Variants in PIGN observed in about 807,000 individuals in gnomAD.
PIGN encodes GPI ethanolamine phosphate transferase 1.
In PIGN, 117 loss-of-function variants were observed where a neutral mutation model predicts 125.4. That is an observed-to-expected ratio of 0.93 (90% CI 0.80 to 1.09). The LOEUF is 1.09. Ranked by LOEUF, PIGN falls within the 50% of genes least tolerant of loss-of-function variation. The pLI is 0.00. For synonymous variants in PIGN, 392 were observed against 377.8 expected (o/e 1.04, Z -0.44); for missense variants, 1,075 against 1,094.9 (o/e 0.98, Z 0.26).
intron 14 of PIGN, among the ~76,000 whole-genome samples, chr18:62,126,336 A>G (rs746308528): frequency 6.6e-6 from 1 of 152,130 alleles, no homozygotes; most frequent in Non-Finnish European, 1.5e-5. Flanking sequence ...GGTAAACACT[A>G]TAGTGTTTGC....
chr18:62,036,174 T>G (rs1359934871), downstream of PIGN, among the ~76,000 whole-genome samples: 1 of 152,234 alleles, frequency 6.6e-6, no homozygotes, highest in Non-Finnish European at 1.5e-5. Flanking sequence ...AGAGCTGCAC[T>G]GCATTGGCAT....
rs985407119 is a variant in PIGN, at chr18:62,141,806, C to T, written c.964-1327G>A. ...GGCCCATGAGACCCTGAAGGGGCTG[C>T]GCCTCCCTTCTTCTGCCTCACACCA... On this transcript the variant is annotated intron_variant, in intron 11 of 30. Transcript: ENST00000640252. Among the ~76,000 whole-genome samples, 9 of 152,246 alleles carry T rather than the reference C, an allele frequency of 5.9e-5. 1 individual carries two copies. The highest frequency in any genetic ancestry group is 6.8e-3 in the Middle Eastern group (2 of 294).
chr18:62,046,975 G>A (rs1387869084), intron 30 of PIGN, among the ~76,000 whole-genome samples: 1 of 152,158 alleles, frequency 6.6e-6, no homozygotes, highest in Non-Finnish European at 1.5e-5. Flanking sequence ...GAAGACAGCA[G>A]CAACCTGGAA....
At chr18:62,167,935 TG>T (rs1210470945) in intron 1 of PIGN, among the ~76,000 whole-genome samples, 2 of 152,274 alleles carry the variant, frequency 1.3e-5, no homozygotes, top group South Asian at 2.1e-4. Flanking sequence ...GGCTCACGCT[TG>T]CAATCCCAGC....
At chr18:62,124,283 TA>T (rs1465984592) in intron 14 of PIGN, among the ~76,000 whole-genome samples, 6 of 152,166 alleles carry the variant, frequency 3.9e-5, no homozygotes, top group Admixed American at 3.9e-4. Context: ...TAAATCTGCT[TA>T]AAAGAATACT....
At chr18:62,151,432 T>C (rs2036532194) in intron 7 of PIGN, among the ~76,000 whole-genome samples, 1 of 152,154 alleles carries the variant, frequency 6.6e-6, no homozygotes, top group African/African-American at 2.4e-5. Flanking sequence ...CCAAATGGCA[T>C]AGTATGCCTG....
At chr18:62,073,529 T>G (rs2033007886) in intron 29 of PIGN, among the ~76,000 whole-genome samples, 1 of 152,204 alleles carries the variant, frequency 6.6e-6, no homozygotes, top group South Asian at 2.1e-4. Context: ...TCAAGTCAAT[T>G]TATGCAATCT....
intron 30 of PIGN, among the ~76,000 whole-genome samples, chr18:62,059,386 G>A (rs1370738271): frequency 6.6e-6 from 1 of 151,806 alleles, no homozygotes; most frequent in Admixed American, 6.6e-5. Flanking sequence ...AAGCAACAAG[G>A]ACCATAAAAG....
At chr18:62,186,515 G>C (rs984826388) in intron 1 of PIGN, among the ~76,000 whole-genome samples, 1 of 152,202 alleles carries the variant, frequency 6.6e-6, no homozygotes, top group African/African-American at 2.4e-5. Context: ...GATGTTCCCA[G>C]ATCCAGGCAA....
intron 6 of PIGN, among the ~76,000 whole-genome samples, chr18:62,156,810 T>C (rs371372850): frequency 2.0e-5 from 3 of 152,152 alleles, no homozygotes; most frequent in South Asian, 2.1e-4. Context: ...AAACTAATAT[T>C]ATCACATTTT....
chr18:62,170,671 A>C (rs977285146), intron 1 of PIGN, among the ~76,000 whole-genome samples: 1 of 152,204 alleles, frequency 6.6e-6, no homozygotes, highest in African/African-American at 2.4e-5. Flanking sequence ...AGAAAGACTC[A>C]TGTGTCTCTC....
chr18:62,102,294 C>T (rs989399758), intron 21 of PIGN, among the ~76,000 whole-genome samples: 1 of 145,922 alleles, frequency 6.9e-6, no homozygotes, highest in African/African-American at 2.6e-5. Context: ...AAGTACCCAT[C>T]TAGTATGCAG....
At chr18:62,174,108 G>A (rs1223763111) in intron 1 of PIGN, among the ~76,000 whole-genome samples, 4 of 151,890 alleles carry the variant, frequency 2.6e-5, no homozygotes, top group African/African-American at 9.7e-5. Flanking sequence ...CAGCTACTCA[G>A]GAGGCTGAGG....
At position 62,146,960 on chromosome 18, in the gene PIGN, G is replaced by T; in HGVS notation, c.805+11C>A. 3 of 1,610,230 alleles carry T rather than the reference G, an allele frequency of 1.9e-6. No individual in the cohort carries two copies. Among genetic ancestry groups the T allele is most frequent in the Non-Finnish European group, 2.5e-6 (3 of 1,177,320 alleles). ...AATTGTAAGGTACATATCAATTAAA[G>T]ACACACTAACCCCAGTCTGTCATTC... is the stretch of plus-strand genomic sequence containing the variant. On this transcript the variant is annotated intron_variant, in intron 9 of 30. Coordinates refer to ENST00000640252, the MANE Select transcript of PIGN (RefSeq NM_176787.5).
At chr18:62,150,529 C>T (rs1038963200) in intron 7 of PIGN, among the ~76,000 whole-genome samples, 26 of 152,154 alleles carry the variant, frequency 1.7e-4, no homozygotes, top group South Asian at 2.1e-4. Context: ...TCAACCCAGG[C>T]GAACCTTTGA....
chr18:62,088,300 T>G (rs2033802612), intron 25 of PIGN: 1 of 152,412 alleles, frequency 6.6e-6, no homozygotes, highest in Non-Finnish European at 1.5e-5. Flanking sequence ...CTAACAACTT[T>G]CACAACATTG....
At chr18:62,132,967 G>A (rs974844469) in intron 14 of PIGN, among the ~76,000 whole-genome samples, 5 of 152,134 alleles carry the variant, frequency 3.3e-5, no homozygotes, top group African/African-American at 1.2e-4. Context: ...ACTTATGAGA[G>A]TTTGACTTAG....
At chr18:62,077,994 G>A (rs1042382898) in intron 28 of PIGN, among the ~76,000 whole-genome samples, 3 of 152,058 alleles carry the variant, frequency 2.0e-5, no homozygotes, top group African/African-American at 7.2e-5. Context: ...CCTCTTATAA[G>A]GACATCAGTC....
chr18:62,122,782 C>G (rs2035356635), intron 14 of PIGN, among the ~76,000 whole-genome samples: 1 of 152,058 alleles, frequency 6.6e-6, no homozygotes, highest in Non-Finnish European at 1.5e-5. Flanking sequence ...ACATTGACAC[C>G]AAAGAGTTTA....
Sources: allele counts gnomAD v4.1 joint callset (sites outside exome capture counted in the v4.1 genomes callset), GRCh38; gene constraint gnomAD v4.1.1; transcripts MANE v1.5; gene names NCBI Gene and HGNC (gene_info 2026-07-23, HGNC 2026-07-21).